CSNK1D: variants seen among roughly 807,000 people sequenced by gnomAD.
CSNK1D encodes the protein casein kinase 1 delta, also known as casein kinase I isoform delta.
CSNK1D carries 16 observed loss-of-function variants against 46.6 expected under a neutral mutation model. The ratio of observed to expected loss-of-function variants is 0.34; its 90% CI spans 0.23 to 0.52. The LOEUF (loss-of-function observed/expected upper bound fraction) is 0.52, where lower values mean the gene tolerates loss of function less well. Ranked by LOEUF, CSNK1D falls within the 20% of genes least tolerant of loss-of-function variation. The pLI is 0.95. For synonymous variants in CSNK1D, 276 were observed against 228.2 expected (o/e 1.21, Z -1.89); for missense variants, 398 against 578.4 (o/e 0.69, Z 3.20).
chr17:82,266,956 AG>A (rs1192145889), intron 1 of CSNK1D: 2 of 150,522 alleles, frequency 1.3e-5, no homozygotes, highest in East Asian at 4.0e-4. Flanking sequence ...GCTACTTGGG[AG>A]CCTGAGGCAG....
At chr17:82,242,172 G>GC (rs1186906775), downstream of CSNK1D, among the ~76,000 whole-genome samples, 77 of 141,522 alleles carry the variant, frequency 5.4e-4, no homozygotes, top group African/African-American at 1.8e-3. Context: ...CAGCCTGACA[G>GC]CCCCCGCAGG....
At chr17:82,270,533 G>C (rs1415944160) in intron 1 of CSNK1D, among the ~76,000 whole-genome samples, 1 of 152,160 alleles carries the variant, frequency 6.6e-6, no homozygotes, top group Non-Finnish European at 1.5e-5. Context: ...CTAGTTCCTC[G>C]ATTTATGTGT....
chr17:82,270,297 C>A (rs2051586105), intron 1 of CSNK1D, among the ~76,000 whole-genome samples: 1 of 152,204 alleles, frequency 6.6e-6, no homozygotes, highest in African/African-American at 2.4e-5. Context: ...CAGGCCCACA[C>A]CACGCTTCTA....
At chr17:82,263,895 C>T (rs566798944) in intron 2 of CSNK1D, among the ~76,000 whole-genome samples, 3 of 152,324 alleles carry the variant, frequency 2.0e-5, no homozygotes, top group Admixed American at 6.5e-5. Context: ...GCTCCCAGGG[C>T]GGAGTCTCTG....
rs758614926 is a variant in CSNK1D, at chr17:82,249,547, C to T, written c.941G>A (p.Arg314Gln). 34 of 1,548,056 alleles carry T rather than the reference C, an allele frequency of 2.2e-5. No homozygotes were observed. Among genetic ancestry groups the T allele is most frequent in the East Asian group, 4.8e-5 (2 of 41,752 alleles). Residue 314 changes from arginine (R) to glutamine (Q), a missense_variant, in exon 7 of 9, where the codon CGG (arginine) becomes CAG (glutamine). Arg to Gln is a conservative substitution (Grantham distance 43). This residue lies in a region of CSNK1D where 181 missense variants were observed against 208.0 expected (regional missense o/e 0.87). Coordinates refer to ENST00000314028, the MANE Select transcript of CSNK1D (RefSeq NM_001893.6). This position sits in a 1 kb window ranked among gnomAD's most constrained non-coding sequence, Gnocchi z 6.7. ...AERERRDREE[R>Q]LRHSRNPATR... ...AGCCGGGTTCCGCGAGTGTCTCAGC[C>T]GCTCCTCTCGGTCCCTGCGCTCCCG... is the stretch of plus-strand genomic sequence containing the variant.
Position 82,244,669 on chromosome 17 carries a change from C to A in CSNK1D, c.*112G>T. 4 of 1,580,726 alleles carry A rather than the reference C, an allele frequency of 2.5e-6. No individual in the cohort carries two copies. The highest frequency in any genetic ancestry group is 3.4e-6 in the Non-Finnish European group (4 of 1,168,058). ...CGCTGGGTGAGTGGCCTGGAGAGCT[C>A]CCGGTGTTAACATTTCGATCCTAGA... On this transcript the variant is annotated 3_prime_UTR_variant, in exon 9 of 9. Coordinates refer to ENST00000314028, the MANE Select transcript of CSNK1D (RefSeq NM_001893.6).
chr17:82,270,835 G>A (rs1012282111), intron 1 of CSNK1D, among the ~76,000 whole-genome samples: 2 of 151,992 alleles, frequency 1.3e-5, no homozygotes, highest in African/African-American at 2.4e-5. Flanking sequence ...GCTGTCTGGG[G>A]GCTCCAACCC....
chr17:82,263,797 C>A (rs1367541628), intron 2 of CSNK1D, among the ~76,000 whole-genome samples: 2 of 152,268 alleles, frequency 1.3e-5, no homozygotes, highest in Non-Finnish European at 2.9e-5. Flanking sequence ...CCCCGCACCA[C>A]CCTGCTCTAT....
chr17:82,251,827 G>C lies in CSNK1D; in HGVS notation c.737-300C>G. On this transcript the variant is annotated intron_variant, in intron 5 of 8. Transcript: ENST00000314028. The surrounding 1 kb of genome is among the most constrained non-coding windows in gnomAD (Gnocchi z 4.5). The stretch of plus-strand genomic sequence containing the variant: ...AACACAGTGAAACCCCATCTCTACT[G>C]AAAAAAAAAAAAAAAAAGTTCTAGA... The C allele has an allele frequency of 3.7e-6, 1 of 267,258 alleles. No individual in the cohort carries two copies. The highest frequency in any genetic ancestry group is 7.2e-6 in the Non-Finnish European group (1 of 139,646). 16.6% of individuals were successfully genotyped at this position (267,258 alleles called of 1,614,324 possible). A position where few individuals can be genotyped will look rare whatever the true frequency, so the allele number is the denominator to read the frequency against.
chr17:82,248,840 G>C lies in CSNK1D; in HGVS notation c.1197+35C>G. ...GCTCTTGACTCGGACGGGGTAGCCC[G>C]AGGCCCAGCGCCCGCCCGGGAGCTC... On this transcript the variant is annotated intron_variant, in intron 8 of 8. Coordinates refer to ENST00000314028, the MANE Select transcript of CSNK1D (RefSeq NM_001893.6). The surrounding 1 kb of genome is among the most constrained non-coding windows in gnomAD (Gnocchi z 4.1). The C allele has an allele frequency of 1.9e-6, 3 of 1,598,338 alleles. No individual in the cohort carries two copies. The highest frequency in any genetic ancestry group is 2.6e-6 in the Non-Finnish European group (3 of 1,172,140).
At position 82,255,326 on chromosome 17, in the gene CSNK1D, C is replaced by T. The variant is rs1183531874; in HGVS notation, c.336+103G>A. The T allele has an allele frequency of 7.1e-7, 1 of 1,402,870 alleles. No individual in the cohort carries two copies. Among genetic ancestry groups the T allele is most frequent in the East Asian group, 2.3e-5 (1 of 43,836 alleles). 86.9% of individuals were successfully genotyped at this position (1,402,870 alleles called of 1,614,324 possible). ...GCTGAGGCTCAGCAAATTTCCATTT[C>T]CTCTGTGAATTAATGGCCATAATAA... On this transcript the variant is annotated intron_variant, in intron 3 of 8. Transcript: ENST00000314028. This position sits in a 1 kb window ranked among gnomAD's most constrained non-coding sequence, Gnocchi z 5.9.
chr17:82,239,533 G>C (rs183811963), downstream of CSNK1D: 26 of 177,544 alleles, frequency 1.5e-4, 1 homozygote, highest in African/African-American at 5.2e-4. Flanking sequence ...GTCCTGACTC[G>C]CACGTCTGCT....
At chr17:82,246,648 A>G in intron 8 of CSNK1D, 1 of 1,002,280 alleles carries the variant, frequency 1.0e-6, no homozygotes, top group Non-Finnish European at 1.2e-6. Flanking sequence ...GCGGGGCCCT[A>G]CAACTATGGG....
Position 82,255,633 on chromosome 17 carries a change from C to CT in CSNK1D, c.188-57dup. 6.2e-7 allele frequency: 1 copy of CT among 1,606,348 alleles called. No homozygotes were observed. Among genetic ancestry groups the CT allele is most frequent in the Non-Finnish European group, 8.5e-7 (1 of 1,173,490 alleles). ...GTCCAGGCCCTGCCTCAGCTCCACA[C>CT]TAAGTCTGCACTGTGCACACCAAGG... On this transcript the variant is annotated intron_variant, in intron 2 of 8. Transcript: ENST00000314028. This position sits in a 1 kb window ranked among gnomAD's most constrained non-coding sequence, Gnocchi z 5.9.
intron 8 of CSNK1D, chr17:82,246,413 C>T (rs1469095276): frequency 6.6e-6 from 8 of 1,210,056 alleles, no homozygotes; most frequent in South Asian, 6.5e-5. Context: ...GCCGGTACGA[C>T]GACAGGGCTC....
At chr17:82,240,995 G>A (rs1191261116), downstream of CSNK1D, among the ~76,000 whole-genome samples, 1 of 152,180 alleles carries the variant, frequency 6.6e-6, no homozygotes, top group African/African-American at 2.4e-5. Flanking sequence ...GAGGTCTGGT[G>A]CGTGGGCTGC....
intron 2 of CSNK1D, among the ~76,000 whole-genome samples, chr17:82,260,116 CTGATGTGACTGATGGTGTACTGAG>C (rs1167852571): frequency 2.4e-3 from 335 of 141,290 alleles, no homozygotes; most frequent in Non-Finnish European, 4.1e-3. Flanking sequence ...GGTGTACTGA[CTGATGTGACTGATGGTGTACTGAG>C]TGATGTGACT....
chr17:82,261,883 C>T (rs911559228), intron 2 of CSNK1D, among the ~76,000 whole-genome samples: 3 of 152,242 alleles, frequency 2.0e-5, no homozygotes, highest in Non-Finnish European at 4.4e-5. Context: ...GTTCTACACA[C>T]GTACTCCCCT....
In CSNK1D at chr17:82,255,655, A is replaced by C; in HGVS notation, c.188-78T>G. On this transcript the variant is annotated intron_variant, in intron 2 of 8. Coordinates refer to ENST00000314028, the MANE Select transcript of CSNK1D (RefSeq NM_001893.6). The surrounding 1 kb of genome is among the most constrained non-coding windows in gnomAD (Gnocchi z 5.9). ...ACACTAAGTCTGCACTGTGCACACCAAGGGGTCATGGTGACAATCCTGAAC... is the reference window on the plus strand; with the variant it reads ...ACACTAAGTCTGCACTGTGCACACCCAGGGGTCATGGTGACAATCCTGAAC... 6.4e-7 allele frequency: 1 copy of C among 1,560,492 alleles called. No homozygotes were observed. Among genetic ancestry groups the C allele is most frequent in the Non-Finnish European group, 8.8e-7 (1 of 1,132,768 alleles).
Sources: allele counts gnomAD v4.1 joint callset (sites outside exome capture counted in the v4.1 genomes callset), GRCh38; gene constraint gnomAD v4.1.1; regional missense constraint gnomAD v4.1.1; non-coding constraint Gnocchi (gnomAD v3.1); transcripts MANE v1.5; gene names NCBI Gene and HGNC (gene_info 2026-07-23, HGNC 2026-07-21).